The following CSMD1 variants were observed in gnomAD, a reference collection of about 807,000 sequenced individuals.
CSMD1 encodes CUB and Sushi multiple domains 1.
In CSMD1, 213 loss-of-function variants were observed where a neutral mutation model predicts 417.5. That is an observed-to-expected ratio of 0.51 (90% CI 0.46 to 0.57). The LOEUF is 0.57. Among genes scored for constraint, CSMD1 ranks in the 20% least tolerant of loss-of-function variants. The pLI is 0.00. For missense variants in CSMD1, 6,923 were observed against 4,529.7 expected (o/e 1.53, Z -15.17); for synonymous variants, 2,862 against 1,736.8 (o/e 1.65, Z -16.11).
At chr8:3,827,217 G>A (rs1346943894) in intron 5 of CSMD1, among the ~76,000 whole-genome samples, 2 of 152,274 alleles carry the variant, frequency 1.3e-5, no homozygotes, top group South Asian at 2.1e-4. Flanking sequence ...GGACAAACTT[G>A]TCTTTCATAC....
At chr8:4,910,336 T>C (rs955815192) in intron 1 of CSMD1, among the ~76,000 whole-genome samples, 1 of 152,210 alleles carries the variant, frequency 6.6e-6, no homozygotes, top group Admixed American at 6.5e-5. Flanking sequence ...ATGTTGATGA[T>C]GTATCTTAGT....
At chr8:3,242,355 G>T (rs1334886037) in intron 26 of CSMD1, among the ~76,000 whole-genome samples, 2 of 151,606 alleles carry the variant, frequency 1.3e-5, no homozygotes, top group African/African-American at 4.8e-5. Context: ...CGACGCTTGG[G>T]GTTGGGACTG....
intron 3 of CSMD1, among the ~76,000 whole-genome samples, chr8:4,316,888 G>T (rs924135488): frequency 1.3e-5 from 2 of 152,104 alleles, no homozygotes; most frequent in African/African-American, 4.8e-5. Flanking sequence ...CAAATCTTGG[G>T]GTGGGGGAAT....
chr8:3,845,592 T>A lies in CSMD1; in HGVS notation c.819-91550A>T, dbSNP rs545717272. Among the ~76,000 whole-genome samples, 10 of 152,282 alleles carry A rather than the reference T, an allele frequency of 6.6e-5. No homozygotes were observed. In the South Asian group the frequency reaches 2.1e-3, roughly 32 times the overall value. On this transcript the variant is annotated intron_variant, in intron 5 of 69. Transcript: ENST00000635120. The stretch of plus-strand genomic sequence containing the variant: ...ATTATGAAGGCCTAGGACATCTCAG[T>A]ACACTACTGCGGGATCTATAAATGC...
chr8:3,007,851 G>C (rs113909663), intron 52 of CSMD1, among the ~76,000 whole-genome samples: 7,547 of 151,464 alleles, frequency 0.05, 205 homozygotes, highest in East Asian at 0.069. Flanking sequence ...CAGTGCACCA[G>C]CATGGCACAT....
chr8:4,799,598 C>CACAA (rs1798167807), intron 1 of CSMD1, among the ~76,000 whole-genome samples: 1 of 47,152 alleles, frequency 2.1e-5, no homozygotes, highest in Admixed American at 3.9e-4. Context: ...GACTCCGTCT[C>CACAA]AAAAAAAAAA....
At chr8:4,296,453 G>A (rs1262534541) in intron 3 of CSMD1, among the ~76,000 whole-genome samples, 1 of 152,078 alleles carries the variant, frequency 6.6e-6, no homozygotes, top group Non-Finnish European at 1.5e-5. Context: ...TGGACTCATG[G>A]CCAGAGGTAA....
intron 62 of CSMD1, among the ~76,000 whole-genome samples, 176 bp downstream of exon 62, chr8:2,960,965 T>TAC (rs1554472496): frequency 2.6e-4 from 34 of 131,062 alleles, no homozygotes; most frequent in East Asian, 2.1e-3. Flanking sequence ...TATATATATA[T>TAC]ACATATATTG....
At chr8:3,942,635 T>C (rs1369804662) in intron 5 of CSMD1, among the ~76,000 whole-genome samples, 1 of 152,212 alleles carries the variant, frequency 6.6e-6, no homozygotes, top group Non-Finnish European at 1.5e-5. Flanking sequence ...ACTTACTGGT[T>C]AGCCTCAGTT....
intron 3 of CSMD1, among the ~76,000 whole-genome samples, chr8:4,278,022 C>T (rs1254269541): frequency 6.6e-6 from 1 of 152,118 alleles, no homozygotes; most frequent in Non-Finnish European, 1.5e-5. Context: ...GCTGGGATTA[C>T]AAGCATGAGC....
intron 2 of CSMD1, among the ~76,000 whole-genome samples, chr8:4,464,238 C>G (rs1800014004): frequency 6.6e-6 from 1 of 152,098 alleles, no homozygotes; most frequent in Non-Finnish European, 1.5e-5. Flanking sequence ...TTAACATTCC[C>G]ACATTAACAT....
chr8:4,994,476 T>A lies in CSMD1; in HGVS notation c.-60A>T, dbSNP rs1226502635. ...GGCTCCTCCGAGGAAGGCAGGGCTATGAGCGGAGCCAAATAATCACCCGAG... is the reference window on the plus strand; with the variant it reads ...GGCTCCTCCGAGGAAGGCAGGGCTAAGAGCGGAGCCAAATAATCACCCGAG... On this transcript the variant is annotated 5_prime_UTR_variant, in exon 1 of 70. Transcript: ENST00000635120. The A allele has an allele frequency of 2.7e-6, 4 of 1,477,774 alleles. No individual in the cohort carries two copies. The highest frequency in any genetic ancestry group is 3.7e-6 in the Non-Finnish European group (4 of 1,069,626). The allele number at this position is 1,477,774 out of a possible 1,614,324, so 91.5% of individuals were successfully genotyped here. A position where few individuals can be genotyped will look rare whatever the true frequency, so the allele number is the denominator to read the frequency against.
chr8:4,497,571 T>A (rs1022526414), intron 2 of CSMD1, among the ~76,000 whole-genome samples: 2 of 152,000 alleles, frequency 1.3e-5, no homozygotes, highest in Non-Finnish European at 2.9e-5. Context: ...GACGGATGAG[T>A]GGAGTACACA....
chr8:3,293,397 C>G (rs1022913757), intron 25 of CSMD1, among the ~76,000 whole-genome samples: 1 of 152,166 alleles, frequency 6.6e-6, no homozygotes, highest in Non-Finnish European at 1.5e-5. Context: ...GGGAATTTCT[C>G]CTGGTTAATA....
intron 1 of CSMD1, among the ~76,000 whole-genome samples, chr8:4,674,800 C>T (rs186436965): frequency 6.6e-6 from 1 of 152,250 alleles, no homozygotes; most frequent in Non-Finnish European, 1.5e-5. Flanking sequence ...CTCCAAAATT[C>T]ATGTGTTAAA....
At chr8:3,011,670 T>A (rs762174954) in intron 52 of CSMD1, among the ~76,000 whole-genome samples, 18 of 152,136 alleles carry the variant, frequency 1.2e-4, no homozygotes, top group Non-Finnish European at 2.1e-4. Flanking sequence ...ATGTGGGAAA[T>A]AACTCAAGCT....
At chr8:3,693,985 G>C (rs1220763474) in intron 7 of CSMD1, among the ~76,000 whole-genome samples, 1 of 151,220 alleles carries the variant, frequency 6.6e-6, no homozygotes, top group Non-Finnish European at 1.5e-5. Flanking sequence ...TATGTGTGTT[G>C]TTAGTGTGTG....
intron 12 of CSMD1, among the ~76,000 whole-genome samples, chr8:3,445,762 T>A (rs543206064): frequency 6.6e-6 from 1 of 152,216 alleles, no homozygotes; most frequent in African/African-American, 2.4e-5. Context: ...AACAAAGCCA[T>A]GTAAACAGTA....
At chr8:4,747,561 G>C (rs547841342) in intron 1 of CSMD1, among the ~76,000 whole-genome samples, 23 of 152,276 alleles carry the variant, frequency 1.5e-4, no homozygotes, top group South Asian at 2.1e-4. Context: ...TCCTCCTACG[G>C]TGACTATATT....
Sources: allele counts gnomAD v4.1 joint callset (sites outside exome capture counted in the v4.1 genomes callset), GRCh38; gene constraint gnomAD v4.1.1; transcripts MANE v1.5; gene names NCBI Gene and HGNC (gene_info 2026-07-23, HGNC 2026-07-21).